The following SLMAP variants were observed in gnomAD, a reference collection of about 807,000 sequenced individuals.
The protein encoded by SLMAP is sarcolemma associated protein.
Under a neutral mutation model 128.8 loss-of-function variants are expected in SLMAP, and 44 were observed. The ratio of observed to expected loss-of-function variants is 0.34; its 90% CI spans 0.27 to 0.44. The LOEUF (loss-of-function observed/expected upper bound fraction) is 0.44. Among genes scored for constraint, SLMAP ranks in the 20% least tolerant of loss-of-function variants. The pLI, the probability that SLMAP is intolerant of heterozygous loss-of-function variation, is 1.00. For missense variants in SLMAP, 787 were observed against 985.3 expected (o/e 0.80, Z 2.69); for synonymous variants, 327 against 348.8 (o/e 0.94, Z 0.70).
chr3:57,799,571 A>T (rs9851975), intron 2 of SLMAP, among the ~76,000 whole-genome samples: 12,232 of 152,142 alleles, frequency 0.08, 1,665 homozygotes, highest in African/African-American at 0.28. Flanking sequence ...CTTTTCCTTT[A>T]AACATTTTGA....
chr3:57,821,024 A>G (rs140699694), intron 2 of SLMAP, among the ~76,000 whole-genome samples: 40 of 152,346 alleles, frequency 2.6e-4, no homozygotes, highest in African/African-American at 9.4e-4. Context: ...AATCTAATTT[A>G]CTTTGTCCTG....
chr3:57,787,596 C>G (rs1341915333), intron 2 of SLMAP, among the ~76,000 whole-genome samples: 2 of 152,200 alleles, frequency 1.3e-5, no homozygotes, highest in African/African-American at 4.8e-5. Flanking sequence ...CCTGCCTGAA[C>G]CTCCTGAGAG....
intron 2 of SLMAP, among the ~76,000 whole-genome samples, chr3:57,789,547 A>C (rs1041016776): frequency 6.6e-6 from 1 of 152,172 alleles, no homozygotes; most frequent in African/African-American, 2.4e-5. Flanking sequence ...GTTCTGGCTA[A>C]ACTGACTTAG....
At chr3:57,860,624 T>C in intron 8 of SLMAP, 75 bp from the exon 9 acceptor site, 3 of 1,118,946 alleles carry the variant, frequency 2.7e-6, no homozygotes, top group Non-Finnish European at 3.7e-6. Context: ...TATATCATAA[T>C]GTGTTAATTT....
At chr3:57,877,357 T>C (rs968947035) in intron 14 of SLMAP, among the ~76,000 whole-genome samples, 2 of 152,232 alleles carry the variant, frequency 1.3e-5, no homozygotes, top group African/African-American at 4.8e-5. Context: ...CTCTGTGAGG[T>C]CAGCCTCTCA....
intron 2 of SLMAP, among the ~76,000 whole-genome samples, chr3:57,804,575 C>T (rs2089388617): frequency 6.6e-6 from 1 of 151,914 alleles, no homozygotes; most frequent in South Asian, 2.1e-4. Context: ...GAAACCTTAT[C>T]TCTACAAAAA....
Position 57,839,091 on chromosome 3 carries a change from A to G in SLMAP, c.347-2208A>G, listed in dbSNP as rs1030029967. 1.7e-4 allele frequency among the ~76,000 whole-genome samples: 26 copies of G among 151,398 alleles called. 1 individual carries two copies. The highest frequency in any genetic ancestry group is 1.5e-5 in the Non-Finnish European group (1 of 67,814). ...GCCTTAGCCTCCTGAGTAGCTGGGT[A>G]CAGGTGTGCACCACCCCCACCCTGC... On this transcript the variant is annotated intron_variant, in intron 3 of 24. Transcript: ENST00000671191.
chr3:57,798,387 C>G (rs1175560684), intron 2 of SLMAP, among the ~76,000 whole-genome samples: 2 of 152,256 alleles, frequency 1.3e-5, no homozygotes, highest in South Asian at 2.1e-4. Context: ...CTTTTTAGCA[C>G]TAAAAATCTC....
chr3:57,867,966 G>T (rs758221936), intron 13 of SLMAP, among the ~76,000 whole-genome samples: 5 of 152,076 alleles, frequency 3.3e-5, no homozygotes, highest in African/African-American at 9.7e-5. Flanking sequence ...AGTGTTGTCC[G>T]AAATAAACAT....
At chr3:57,780,153 C>CTT (rs1031318234) in intron 2 of SLMAP, among the ~76,000 whole-genome samples, 2 of 145,530 alleles carry the variant, frequency 1.4e-5, no homozygotes, top group Non-Finnish European at 3.0e-5. Context: ...CCCCTCCCTT[C>CTT]TTTTTTTTTT....
intron 13 of SLMAP, among the ~76,000 whole-genome samples, chr3:57,869,873 T>C (rs1336739344): frequency 6.6e-6 from 1 of 151,374 alleles, no homozygotes; most frequent in African/African-American, 2.4e-5. Context: ...GTAACTACAG[T>C]AGCTAATGGC....
At chr3:57,860,510 G>C (rs1032729209) in intron 8 of SLMAP, among the ~76,000 whole-genome samples, 189 bp from the exon 9 acceptor site, 14 of 152,098 alleles carry the variant, frequency 9.2e-5, no homozygotes, top group African/African-American at 2.9e-4. Flanking sequence ...AAATTAGTAA[G>C]TTTGTGAAGG....
chr3:57,863,626 G>C (rs1350284405), intron 10 of SLMAP, among the ~76,000 whole-genome samples: 2 of 152,080 alleles, frequency 1.3e-5, no homozygotes, highest in Non-Finnish European at 2.9e-5. Flanking sequence ...GAGGTGCCAG[G>C]CTCTTTTTAA....
chr3:57,913,295 T>C lies in SLMAP; in HGVS notation c.2138+20T>C, dbSNP rs2096737532. 9.8e-7 allele frequency: 1 copy of C among 1,015,792 alleles called. No homozygotes were observed. Among genetic ancestry groups the C allele is most frequent in the Non-Finnish European group, 1.5e-6 (1 of 667,118 alleles). The allele number at this position is 1,015,792 out of a possible 1,614,324, so 62.9% of individuals were successfully genotyped here. Reference sequence around the variant, plus strand: ...GCACAAGTATGCAAGAACTCTCTGTTTTTCAGATATAAAATATTTCTTTAT... The same window carrying C: ...GCACAAGTATGCAAGAACTCTCTGTCTTTCAGATATAAAATATTTCTTTAT... On this transcript the variant is annotated intron_variant, in intron 21 of 24. Coordinates refer to ENST00000671191, the MANE Select transcript of SLMAP (RefSeq NM_001377540.1).
At chr3:57,810,153 G>T (rs572897029) in intron 2 of SLMAP, among the ~76,000 whole-genome samples, 1 of 152,112 alleles carries the variant, frequency 6.6e-6, no homozygotes, top group African/African-American at 2.4e-5. Flanking sequence ...AGCTGCTTGC[G>T]GTGTGCCTGA....
intron 5 of SLMAP, among the ~76,000 whole-genome samples, chr3:57,847,603 G>A (rs2094316240): frequency 6.6e-6 from 1 of 152,136 alleles, no homozygotes; most frequent in Admixed American, 6.6e-5. Flanking sequence ...AATACAGGGA[G>A]GTAATACAGA....
chr3:57,916,766 AT>A lies in SLMAP; in HGVS notation c.2139-139del, dbSNP rs2096822160. ...GATGGTTTTTGCTTATTGAATGAAA[AT>A]ATTTCATTCTTTTTTATACTTTTCT... On this transcript the variant is annotated intron_variant, in intron 21 of 24. Coordinates refer to ENST00000671191, the MANE Select transcript of SLMAP (RefSeq NM_001377540.1). 7 of 643,770 alleles carry A rather than the reference AT, an allele frequency of 1.1e-5. No individual in the cohort carries two copies. The South Asian group carries it at 2.0e-4, about 18-fold the overall frequency. 39.9% of individuals were successfully genotyped at this position (643,770 alleles called of 1,614,324 possible).
Position 57,893,852 on chromosome 3 carries a change from G to A in SLMAP, c.1361-2659G>A, listed in dbSNP as rs142095216. Among the ~76,000 whole-genome samples, 353 of 152,132 alleles carry A rather than the reference G, an allele frequency of 2.3e-3. 1 individual carries two copies. The highest frequency in any genetic ancestry group is 7.8e-3 in the African/African-American group (323 of 41,494). On this transcript the variant is annotated intron_variant, in intron 15 of 24. Transcript: ENST00000671191. ...AGCGGTCACAGATTAGATTCCCATG[G>A]GCCTCCATGGCCAGTGACTTCACTT...
intron 15 of SLMAP, among the ~76,000 whole-genome samples, chr3:57,893,349 G>A (rs897014555): frequency 1.3e-5 from 2 of 151,908 alleles, no homozygotes; most frequent in Non-Finnish European, 1.5e-5. Flanking sequence ...TGGGAGGATG[G>A]CTTGAGCCCA....
Sources: allele counts gnomAD v4.1 joint callset (sites outside exome capture counted in the v4.1 genomes callset), GRCh38; gene constraint gnomAD v4.1.1; transcripts MANE v1.5; gene names NCBI Gene and HGNC (gene_info 2026-07-23, HGNC 2026-07-21).